The following DNAAF9 variants were observed in gnomAD, a reference collection of about 807,000 sequenced individuals.
DNAAF9 encodes dynein axonemal assembly factor 9.
In DNAAF9, 90 loss-of-function variants were observed where a neutral mutation model predicts 167.0. The ratio of observed to expected loss-of-function variants is 0.54; its 90% CI spans 0.45 to 0.64. The LOEUF is 0.64. Ranked by LOEUF, DNAAF9 falls within the 30% of genes least tolerant of loss-of-function variation. The pLI is 0.00. For missense variants in DNAAF9, 1,315 were observed against 1,442.2 expected (o/e 0.91, Z 1.43); for synonymous variants, 491 against 508.8 (o/e 0.96, Z 0.47).
chr20:3,284,675 T>A (rs2068821094), intron 27 of DNAAF9, among the ~76,000 whole-genome samples: 2 of 152,212 alleles, frequency 1.3e-5, no homozygotes, highest in African/African-American at 4.8e-5. Flanking sequence ...TGGGCTCAGT[T>A]TTATGTTTGC....
At chr20:3,337,264 AGTT>A (rs1487683643) in intron 10 of DNAAF9, among the ~76,000 whole-genome samples, 8 of 144,508 alleles carry the variant, frequency 5.5e-5, no homozygotes, top group African/African-American at 2.1e-4. Flanking sequence ...TGCTCACTGA[AGTT>A]GTTTTTTTTT....
rs2083572670 is a variant in DNAAF9, at chr20:3,376,197, T to C, written c.389A>G (p.His130Arg). 4 of 1,613,728 alleles carry C rather than the reference T, an allele frequency of 2.5e-6. No homozygotes were observed. The highest frequency in any genetic ancestry group is 3.4e-6 in the Non-Finnish European group (4 of 1,179,898). The change falls in exon 4 of 37, where the codon CAC becomes CGC. Residue 130 changes from histidine (H) to arginine (R), a missense_variant. Physicochemically the swap from His to Arg is conservative, Grantham distance 29. Transcript: ENST00000252032. ...TCTTACCTCATTTTCGGTCATGCAG[T>C]GGAAATGCAGATTTCTCCAATGTGC... ...YVAHWRNLHF[H>R]CMTENEYEDE...
chr20:3,356,342 C>T (rs748038292), intron 7 of DNAAF9, among the ~76,000 whole-genome samples: 9 of 152,184 alleles, frequency 5.9e-5, no homozygotes, highest in Admixed American at 3.9e-4. Flanking sequence ...GTTTAGAGCC[C>T]GGCCAGATCT....
Position 3,341,503 on chromosome 20 carries a change from CCTTCCAGTT to C in DNAAF9, c.846-873_846-865del, listed in dbSNP as rs2070085103. 2.0e-5 allele frequency among the ~76,000 whole-genome samples: 3 copies of C among 152,316 alleles called. No individual in the cohort carries two copies. The South Asian group carries it at 6.2e-4, about 32-fold the overall frequency. The stretch of plus-strand genomic sequence containing the variant: ...TGATGATGTTCCCTATGTCTGCTCC[CCTTCCAGTT>C]CTTGCAGGAAATAAACGGCATCACA... On this transcript the variant is annotated intron_variant, in intron 9 of 36. Coordinates refer to ENST00000252032, the MANE Select transcript of DNAAF9 (RefSeq NM_001009984.3).
At chr20:3,291,084 T>G (rs1021496405) in intron 25 of DNAAF9, among the ~76,000 whole-genome samples, 2 of 151,894 alleles carry the variant, frequency 1.3e-5, no homozygotes, top group Non-Finnish European at 2.9e-5. Context: ...CCACCGCACC[T>G]GGCCGACCAG....
At position 3,309,489 on chromosome 20, in the gene DNAAF9, C is replaced by A. The variant is rs559509817; in HGVS notation, c.1679-4946G>T. Among the ~76,000 whole-genome samples the A allele has an allele frequency of 7.9e-5, 12 of 152,144 alleles. No individual in the cohort carries two copies. The South Asian group carries it at 2.5e-3, about 32-fold the overall frequency. On this transcript the variant is annotated intron_variant, in intron 20 of 36. Coordinates refer to ENST00000252032, the MANE Select transcript of DNAAF9 (RefSeq NM_001009984.3). ...ATAAGACAATGTGTTATTTTCTTTC[C>A]CAATGGAACAGAACAGAGAGCCTAT...
At chr20:3,316,015 A>G in intron 18 of DNAAF9, 1 of 572,344 alleles carries the variant, frequency 1.7e-6, no homozygotes, top group Non-Finnish European at 3.1e-6. Flanking sequence ...CCAGCTAATG[A>G]GCTTATGACA....
At chr20:3,308,829 A>G (rs2069351585) in intron 20 of DNAAF9, among the ~76,000 whole-genome samples, 1 of 151,704 alleles carries the variant, frequency 6.6e-6, no homozygotes, top group Non-Finnish European at 1.5e-5. Flanking sequence ...AAAAAAAAAA[A>G]TTAGCCAGGT....
chr20:3,308,236 G>A (rs2069337811), intron 20 of DNAAF9, among the ~76,000 whole-genome samples: 2 of 151,850 alleles, frequency 1.3e-5, no homozygotes, highest in African/African-American at 4.8e-5. Context: ...GTATTCTTCT[G>A]TGACTTGCTT....
intron 6 of DNAAF9, 121 bp from the exon 7 acceptor site, chr20:3,359,714 T>A (rs1600854003): frequency 1.6e-6 from 1 of 644,848 alleles, no homozygotes; most frequent in African/African-American, 1.9e-5. Flanking sequence ...GAATAATAAA[T>A]CAAAAATTTA....
intron 3 of DNAAF9, among the ~76,000 whole-genome samples, chr20:3,377,352 A>T (rs2083589170): frequency 6.6e-6 from 1 of 152,234 alleles, no homozygotes; most frequent in Non-Finnish European, 1.5e-5. Context: ...AATATGTCAA[A>T]GGAGTATATT....
At chr20:3,352,415 A>G (rs2123150912) in intron 7 of DNAAF9, among the ~76,000 whole-genome samples, 1 of 152,270 alleles carries the variant, frequency 6.6e-6, no homozygotes, top group African/African-American at 2.4e-5. Context: ...TCTGGAGATA[A>G]ATACACTTCT....
intron 26 of DNAAF9, among the ~76,000 whole-genome samples, chr20:3,289,089 T>C (rs769753510): frequency 6.6e-6 from 1 of 152,308 alleles, no homozygotes; most frequent in South Asian, 2.1e-4. Flanking sequence ...AGCGTGTGCC[T>C]GTATCTCAGC....
chr20:3,334,203 T>C (rs1032127930), intron 10 of DNAAF9, among the ~76,000 whole-genome samples: 3 of 152,246 alleles, frequency 2.0e-5, no homozygotes, highest in African/African-American at 7.2e-5. Context: ...TGTTTACTTC[T>C]AGACAAGACT....
At chr20:3,370,400 C>T (rs1434050224) in intron 6 of DNAAF9, among the ~76,000 whole-genome samples, 2 of 151,480 alleles carry the variant, frequency 1.3e-5, no homozygotes, top group South Asian at 2.1e-4. Context: ...AGGTACATGC[C>T]ACTGTGCCTC....
chr20:3,369,239 C>A (rs1389555446), intron 6 of DNAAF9, among the ~76,000 whole-genome samples: 1 of 151,720 alleles, frequency 6.6e-6, no homozygotes, highest in African/African-American at 2.4e-5. Context: ...TAATTTAAAA[C>A]CTTTTATTTC....
chr20:3,339,873 G>C (rs2070043435), intron 10 of DNAAF9, among the ~76,000 whole-genome samples: 1 of 152,204 alleles, frequency 6.6e-6, no homozygotes. Flanking sequence ...CTGGGTGACA[G>C]AGTGAGACCC....
intron 25 of DNAAF9, 47 bp from the exon 26 acceptor site, chr20:3,290,264 T>G: frequency 5.0e-6 from 6 of 1,196,312 alleles, no homozygotes; most frequent in Non-Finnish European, 7.5e-6. Context: ...TGCATTGCAT[T>G]ATGTAAGAAG....
chr20:3,371,574 ACCTCGTGAT>A (rs1367997265), intron 6 of DNAAF9, among the ~76,000 whole-genome samples: 5 of 151,190 alleles, frequency 3.3e-5, no homozygotes, highest in African/African-American at 4.9e-5. Context: ...CGATCTGCTG[ACCTCGTGAT>A]CCGCCCGCCT....
Sources: gnomAD v4.1 joint callset for allele counts (sites outside exome capture counted in the v4.1 genomes callset) on GRCh38, gnomAD v4.1.1 for gene constraint, MANE v1.5 for transcripts, NCBI Gene and HGNC (gene_info 2026-07-23, HGNC 2026-07-21) for gene names.